The following TTC9C variants were observed in gnomAD, a reference collection of about 807,000 sequenced individuals.
TTC9C encodes tetratricopeptide repeat protein 9C.
Under a neutral mutation model 22.5 loss-of-function variants are expected in TTC9C, and 15 were observed. The ratio of observed to expected loss-of-function variants is 0.67; its 90% CI spans 0.45 to 1.03. TTC9C has a LOEUF of 1.03. Among genes scored for constraint, TTC9C ranks in the 50% least tolerant of loss-of-function variants. The probability of loss-of-function intolerance (pLI) is 0.00; values close to 1 mark genes in which losing one functional copy is unlikely to be tolerated. For synonymous variants in TTC9C, 92 were observed against 86.8 expected (o/e 1.06, Z -0.33); for missense variants, 244 against 214.6 (o/e 1.14, Z -0.86).
chr11:62,731,587 T>TAAGA (rs1378567250), intron 1 of TTC9C, among the ~76,000 whole-genome samples: 21 of 151,984 alleles, frequency 1.4e-4, no homozygotes, highest in Admixed American at 6.6e-5. Flanking sequence ...ACAGAGCAAG[T>TAAGA]AAGACTCTGT....
At chr11:62,734,992 G>T (rs1477790935) in intron 1 of TTC9C, among the ~76,000 whole-genome samples, 1 of 152,158 alleles carries the variant, frequency 6.6e-6, no homozygotes, top group Non-Finnish European at 1.5e-5. Flanking sequence ...CGTCTCCCAG[G>T]TCCAAGCGAT....
intron 1 of TTC9C, 135 bp downstream of exon 1, chr11:62,729,221 C>T (rs749580986): frequency 2.4e-4 from 180 of 757,096 alleles, no homozygotes; most frequent in Admixed American, 9.1e-4. Flanking sequence ...TTGGAATAAC[C>T]TGTCAATCTG....
Position 62,728,767 on chromosome 11 carries a change from A to T in TTC9C, c.-82A>T. The T allele has an allele frequency of 1.5e-6, 2 of 1,339,252 alleles. No homozygotes were observed. The highest frequency in any genetic ancestry group is 2.1e-6 in the Non-Finnish European group (2 of 935,536). The allele number at this position is 1,339,252 out of a possible 1,614,324, so 83.0% of individuals were successfully genotyped here. A position where few individuals can be genotyped will look rare whatever the true frequency, so the allele number is the denominator to read the frequency against. On this transcript the variant is annotated 5_prime_UTR_variant, in exon 1 of 3. Transcript: ENST00000316461. ...TTCCTGCCTCCTTAAATTGGCTGCT[A>T]CTGTCAGTTATTTTGCTCCCAACCC...
At chr11:62,728,292 T>C, upstream of TTC9C, 5 of 348,968 alleles carry the variant, frequency 1.4e-5, no homozygotes, top group South Asian at 8.7e-5. Flanking sequence ...GCTGTGACGC[T>C]TATGTGGACA....
chr11:62,728,714 G>C lies in TTC9C; in HGVS notation c.-135G>C, dbSNP rs80050930. 7 of 846,164 alleles carry C rather than the reference G, an allele frequency of 8.3e-6. No homozygotes were observed. Among genetic ancestry groups the C allele is most frequent in the East Asian group, 2.6e-5 (1 of 37,870 alleles). 52.4% of individuals were successfully genotyped at this position (846,164 alleles called of 1,614,324 possible). On this transcript the variant is annotated 5_prime_UTR_variant, in exon 1 of 3. Transcript: ENST00000316461. ...AAACAAGCAAACCGCAGGTCCCTGT[G>C]GGGGGACTCTCCAGGAAGAAGGGTA...
At position 62,735,472 on chromosome 11, in the gene TTC9C, C is replaced by A. The variant is rs1447391089; in HGVS notation, c.329C>A (p.Ala110Asp). 1 of 1,614,122 alleles carries A rather than the reference C, an allele frequency of 6.2e-7. No individual in the cohort carries two copies. Among genetic ancestry groups the A allele is most frequent in the Non-Finnish European group, 8.5e-7 (1 of 1,180,004 alleles). Reference sequence around the variant, plus strand: ...GAACGACAGCCTGATAATGCCAAGGCCTTGTATCGGGCCGGAGTGGCCTTT... The same window carrying A: ...GAACGACAGCCTGATAATGCCAAGGACTTGTATCGGGCCGGAGTGGCCTTT... ...VLERQPDNAK[A>D]LYRAGVAFFH... Residue 110 changes from alanine to aspartate, a missense_variant, in exon 2 of 3, where the codon GCC (alanine) becomes GAC (aspartate). Coordinates refer to ENST00000316461, the MANE Select transcript of TTC9C (RefSeq NM_173810.4).
chr11:62,728,505 C>G lies in TTC9C; in HGVS notation c.-344C>G, dbSNP rs1020959753. The G allele has an allele frequency of 2.1e-6, 1 of 484,848 alleles. No individual in the cohort carries two copies. Among genetic ancestry groups the G allele is most frequent in the South Asian group, 1.5e-5 (1 of 64,824 alleles). 30.0% of individuals were successfully genotyped at this position (484,848 alleles called of 1,614,324 possible). On this transcript the variant is annotated 5_prime_UTR_variant, in exon 1 of 3. Coordinates refer to ENST00000316461, the MANE Select transcript of TTC9C (RefSeq NM_173810.4). ...GAAGCCAGTGTCCCAGGCGTTCTCA[C>G]GCCCGCAACAATTCCTGAGTAGGGC...
At chr11:62,729,164 GCTGA>G (rs1353862974) in intron 1 of TTC9C, 78 bp downstream of exon 1, 9 of 1,309,330 alleles carry the variant, frequency 6.9e-6, no homozygotes, top group Admixed American at 4.5e-5. Context: ...GGGAAAAAAC[GCTGA>G]CTTTTTTTTT....
intron 2 of TTC9C, among the ~76,000 whole-genome samples, chr11:62,737,032 T>C (rs2083920949): frequency 6.6e-6 from 1 of 151,638 alleles, no homozygotes; most frequent in Admixed American, 6.6e-5. Context: ...ACCCCGTTTC[T>C]AGTAAAAATA....
Position 62,736,654 on chromosome 11 carries a change from G to A in TTC9C, c.421+1090G>A, listed in dbSNP as rs976719086. ...GCTTGCAGTGAGCTGAGATCCTGCC[G>A]GTGCATTCCAGCCTAGGGGACAGAG... is the stretch of plus-strand genomic sequence containing the variant. On this transcript the variant is annotated intron_variant, in intron 2 of 2. Transcript: ENST00000316461. Among the ~76,000 whole-genome samples, 11 of 151,044 alleles carry A rather than the reference G, an allele frequency of 7.3e-5. No individual in the cohort carries two copies. In the East Asian group the frequency reaches 9.8e-4, roughly 13 times the overall value.
At position 62,731,424 on chromosome 11, in the gene TTC9C, C is replaced by T. The variant is rs965743184; in HGVS notation, c.238+2338C>T. ...CCAGCCTGGGAAATGTGGCGCAACCCGGTCTCTACAAAAAATACAAAAATT... is the reference window on the plus strand; with the variant it reads ...CCAGCCTGGGAAATGTGGCGCAACCTGGTCTCTACAAAAAATACAAAAATT... On this transcript the variant is annotated intron_variant, in intron 1 of 2. Coordinates refer to ENST00000316461, the MANE Select transcript of TTC9C (RefSeq NM_173810.4). 8.5e-5 allele frequency among the ~76,000 whole-genome samples: 13 copies of T among 152,158 alleles called. No individual in the cohort carries two copies. The East Asian group carries it at 2.5e-3, about 30-fold the overall frequency.
chr11:62,729,418 A>G (rs2083819148), intron 1 of TTC9C, among the ~76,000 whole-genome samples: 1 of 140,376 alleles, frequency 7.1e-6, no homozygotes, highest in East Asian at 2.0e-4. Context: ...TTTTTTTTTG[A>G]GATGGAGTCT....
chr11:62,734,653 C>CAA (rs11375370), intron 1 of TTC9C, among the ~76,000 whole-genome samples: 28 of 151,338 alleles, frequency 1.9e-4, no homozygotes, highest in African/African-American at 3.1e-4. Flanking sequence ...AATACTCTGC[C>CAA]AAAAAAAAGG....
chr11:62,738,294 A>G lies in TTC9C; in HGVS notation c.428A>G (p.Asn143Ser), dbSNP rs149586612. The G allele has an allele frequency of 1.4e-4, 228 of 1,611,000 alleles. 2 individuals are homozygous for G. In the East Asian group the frequency reaches 4.2e-3, roughly 29 times the overall value. ...TTCTCCATCATCTTCCAAGATGCCA[A>G]CGTCCGGCGGTACCTCCAGCTGACA... ...AAVNRQPKDA[N>S]VRRYLQLTQS... Residue 143 changes from asparagine (N) to serine (S), a missense_variant, in exon 3 of 3, where the codon AAC becomes AGC. Physicochemically the swap from Asn to Ser is conservative, Grantham distance 46. Coordinates refer to ENST00000316461, the MANE Select transcript of TTC9C (RefSeq NM_173810.4).
At chr11:62,732,683 GC>G (rs1439138677) in intron 1 of TTC9C, among the ~76,000 whole-genome samples, 2 of 151,714 alleles carry the variant, frequency 1.3e-5, no homozygotes, top group African/African-American at 4.8e-5. Context: ...CCCTTTGGGA[GC>G]CCATGACAGG....
chr11:62,734,824 A>G (rs1306042307), intron 1 of TTC9C, among the ~76,000 whole-genome samples: 1 of 152,184 alleles, frequency 6.6e-6, no homozygotes, highest in Non-Finnish European at 1.5e-5. Context: ...CCAGCTTTAT[A>G]GCCAAGCCTA....
chr11:62,729,139 A>C, intron 1 of TTC9C, 53 bp downstream of exon 1: 1 of 1,478,324 alleles, frequency 6.8e-7, no homozygotes, highest in Non-Finnish European at 9.3e-7. Context: ...GAACATGAAC[A>C]TCTGTGAACA....
At position 62,735,480 on chromosome 11, in the gene TTC9C, C is replaced by G; in HGVS notation, c.337C>G (p.Arg113Gly). The G allele has an allele frequency of 6.2e-7, 1 of 1,614,068 alleles. No individual in the cohort carries two copies. The highest frequency in any genetic ancestry group is 8.5e-7 in the Non-Finnish European group (1 of 1,180,022). The change falls in exon 2 of 3, where the codon CGG (arginine) becomes GGG (glycine). Residue 113 changes from arginine (R) to glycine (G), a missense_variant. Arg to Gly is a moderately radical substitution (Grantham distance 125). Coordinates refer to ENST00000316461, the MANE Select transcript of TTC9C (RefSeq NM_173810.4). ...GCCTGATAATGCCAAGGCCTTGTAT[C>G]GGGCCGGAGTGGCCTTTTTCCATCT... Reference protein sequence around the residue: ...RQPDNAKALYRAGVAFFHLQD... With the variant: ...RQPDNAKALYGAGVAFFHLQD...
At chr11:62,736,178 G>A (rs1299097) in intron 2 of TTC9C, 33,812 of 143,850 alleles carry the variant, frequency 0.24, 4,151 homozygotes, top group African/African-American at 0.29. Flanking sequence ...CGGAGGTTGC[G>A]GTGAGCCGAG....
Sources: gnomAD v4.1 joint callset for allele counts (sites outside exome capture counted in the v4.1 genomes callset) on GRCh38, gnomAD v4.1.1 for gene constraint, MANE v1.5 for transcripts, NCBI Gene and HGNC (gene_info 2026-07-23, HGNC 2026-07-21) for gene names.